MAPKAPK3: variants seen among roughly 807,000 people sequenced by gnomAD.
MAPKAPK3 encodes the protein MAPK activated protein kinase 3.
A neutral mutation model predicts 49.2 loss-of-function variants in MAPKAPK3; 35 were observed. The observed-to-expected ratio is 0.71, with a 90% CI of 0.54 to 0.94. The LOEUF (loss-of-function observed/expected upper bound fraction) is 0.94. MAPKAPK3 is among the 40% of genes least tolerant of loss of function. MAPKAPK3 has a pLI of 0.00. For synonymous variants in MAPKAPK3, 178 were observed against 188.7 expected, an observed-to-expected ratio of 0.94 and a Z score of 0.46; for missense variants, 398 against 493.1, an observed-to-expected ratio of 0.81 and a Z score of 1.83.
intron 2 of MAPKAPK3, among the ~76,000 whole-genome samples, chr3:50,623,833 G>A (rs1363273719): frequency 1.3e-5 from 2 of 152,228 alleles, no homozygotes; most frequent in African/African-American, 2.4e-5. Flanking sequence ...TTGGTCCTTG[G>A]AAAGATGCTG....
chr3:50,616,899 A>G (rs1283979271), upstream of MAPKAPK3, among the ~76,000 whole-genome samples: 1 of 151,952 alleles, frequency 6.6e-6, no homozygotes, highest in African/African-American at 2.4e-5. Context: ...CCCGCACAGT[A>G]GCGGACTGCC....
rs76026164 is a variant in MAPKAPK3 at position 50,648,144 on chromosome 3, A to G, written c.*98A>G. On this transcript the variant is annotated 3_prime_UTR_variant, in exon 11 of 11. Coordinates refer to ENST00000621469, the MANE Select transcript of MAPKAPK3 (RefSeq NM_001243925.2). ...GAGGGCCCAGGGTCATTCTTTTAACAAAAGGATTATTTTGTTGTGTTTTAA... is the reference window on the plus strand; with the variant it reads ...GAGGGCCCAGGGTCATTCTTTTAACGAAAGGATTATTTTGTTGTGTTTTAA... 1 of 481,456 alleles carries G rather than the reference A, an allele frequency of 2.1e-6. No homozygotes were observed. Among genetic ancestry groups the G allele is most frequent in the Non-Finnish European group, 3.3e-6 (1 of 304,010 alleles). The allele number at this position is 481,456 out of a possible 1,614,324, so 29.8% of individuals were successfully genotyped here. A position where few individuals can be genotyped will look rare whatever the true frequency, so the allele number is the denominator to read the frequency against.
chr3:50,621,597 CAAA>C (rs57325539), intron 2 of MAPKAPK3, among the ~76,000 whole-genome samples: 1 of 41,776 alleles, frequency 2.4e-5, no homozygotes, highest in Non-Finnish European at 4.8e-5. Flanking sequence ...GGCTGTGTCT[CAAA>C]AAAAAAAAAA....
At chr3:50,640,266 C>A in intron 2 of MAPKAPK3, 100 bp from the exon 3 acceptor site, 1 of 1,188,148 alleles carries the variant, frequency 8.4e-7, no homozygotes, top group Non-Finnish European at 1.2e-6. Context: ...AGCTGTGTGA[C>A]CTGGGGCAGG....
intron 2 of MAPKAPK3, among the ~76,000 whole-genome samples, chr3:50,630,091 C>T (rs371356054): frequency 6.6e-6 from 1 of 152,206 alleles, no homozygotes. Flanking sequence ...GTTTAGGGGT[C>T]CTCCTTTCTT....
chr3:50,618,639 G>A (rs1446037118), intron 2 of MAPKAPK3, among the ~76,000 whole-genome samples: 2 of 152,146 alleles, frequency 1.3e-5, no homozygotes, highest in Non-Finnish European at 2.9e-5. Flanking sequence ...AGCATGGCAG[G>A]GATAGTGGCT....
intron 2 of MAPKAPK3, among the ~76,000 whole-genome samples, chr3:50,623,267 A>G (rs2032652535): frequency 6.6e-6 from 1 of 152,218 alleles, no homozygotes; most frequent in South Asian, 2.1e-4. Flanking sequence ...GAATCTGAGG[A>G]GCCAGAGTGT....
chr3:50,644,796 A>G (rs1232978982), intron 6 of MAPKAPK3, among the ~76,000 whole-genome samples: 1 of 152,200 alleles, frequency 6.6e-6, no homozygotes, highest in Non-Finnish European at 1.5e-5. Flanking sequence ...AGCTCTAAAT[A>G]TATATGTGAT....
At chr3:50,622,414 C>T (rs1453072022) in intron 2 of MAPKAPK3, among the ~76,000 whole-genome samples, 2 of 152,226 alleles carry the variant, frequency 1.3e-5, no homozygotes, top group African/African-American at 4.8e-5. Flanking sequence ...CCCAGTGCCA[C>T]CTCTTCCAGG....
chr3:50,641,430 G>T (rs546037033), intron 3 of MAPKAPK3, among the ~76,000 whole-genome samples: 1 of 152,324 alleles, frequency 6.6e-6, no homozygotes, highest in South Asian at 2.1e-4. Flanking sequence ...AGCCCTCACA[G>T]TCAGGTAGGG....
chr3:50,637,641 A>G (rs1444927635), intron 2 of MAPKAPK3, among the ~76,000 whole-genome samples: 1 of 151,768 alleles, frequency 6.6e-6, no homozygotes, highest in Non-Finnish European at 1.5e-5. Flanking sequence ...CAAAAAAAAA[A>G]AAAAGAAAAG....
At chr3:50,635,695 G>A (rs958948515) in intron 2 of MAPKAPK3, among the ~76,000 whole-genome samples, 1 of 151,422 alleles carries the variant, frequency 6.6e-6, no homozygotes, top group African/African-American at 2.4e-5. Context: ...GATTACAGGC[G>A]TCAGCCACCA....
At chr3:50,629,421 A>T (rs900417100) in intron 2 of MAPKAPK3, among the ~76,000 whole-genome samples, 2 of 152,158 alleles carry the variant, frequency 1.3e-5, no homozygotes, top group African/African-American at 4.8e-5. Context: ...CACCCATACC[A>T]TCATGGCCCC....
At chr3:50,639,147 T>C (rs749845436) in intron 2 of MAPKAPK3, among the ~76,000 whole-genome samples, 1 of 152,210 alleles carries the variant, frequency 6.6e-6, no homozygotes, top group South Asian at 2.1e-4. Context: ...GCCCACTGGA[T>C]GCTTGCCTTG....
rs1364576349 is a variant in MAPKAPK3, at chr3:50,641,774, A to G, written c.424+3A>G. ...CGACCAGGCTTTCACTGAGAGAGGT[A>G]TGTGCATGTAGCTGGACCAGCAGGA... On this transcript the variant is annotated splice_donor_region_variant and intron_variant, in intron 4 of 10. Coordinates refer to ENST00000621469, the MANE Select transcript of MAPKAPK3 (RefSeq NM_001243925.2). 1.2e-6 allele frequency: 2 copies of G among 1,613,596 alleles called. No individual in the cohort carries two copies. The highest frequency in any genetic ancestry group is 1.7e-6 in the Non-Finnish European group (2 of 1,179,508).
intron 8 of MAPKAPK3, 147 bp downstream of exon 8, chr3:50,646,411 C>A: frequency 8.9e-7 from 1 of 1,125,870 alleles, no homozygotes; most frequent in Non-Finnish European, 1.3e-6. Flanking sequence ...GTCCCCTAAC[C>A]TTCTTGAGCC....
In MAPKAPK3 at chr3:50,621,976, C is replaced by T. The variant is rs112278259; in HGVS notation, c.219+4192C>T. On this transcript the variant is annotated intron_variant, in intron 2 of 10. Transcript: ENST00000621469. ...GTAGAGTGGTGGGGTGGTGGATCCACATGTCCAGGAGACCTCTGCAGAGTC... is the reference window on the plus strand; with the variant it reads ...GTAGAGTGGTGGGGTGGTGGATCCATATGTCCAGGAGACCTCTGCAGAGTC... Among the ~76,000 whole-genome samples the T allele has an allele frequency of 6.8e-3, 1,043 of 152,308 alleles. 8 individuals are homozygous for T. The highest frequency in any genetic ancestry group is 0.024 in the African/African-American group (977 of 41,572).
rs200457380 is a variant in MAPKAPK3 at position 50,617,727 on chromosome 3, G to A, written c.162G>A (p.Val54=). 1 of 1,613,732 alleles carries A rather than the reference G, an allele frequency of 6.2e-7. No homozygotes were observed. The highest frequency in any genetic ancestry group is 1.3e-5 in the African/African-American group (1 of 75,066). ...QLSKQVLGLG[V]NGKVLECFHR... ...CCAAGCAGGTGCTGGGCCTGGGTGT[G>A]AACGGCAAAGTGCTGGAGTGCTTCC... Residue 54 remains valine (V), a synonymous_variant, in exon 2 of 11, where the codon GTG becomes GTA. Coordinates refer to ENST00000621469, the MANE Select transcript of MAPKAPK3 (RefSeq NM_001243925.2).
At chr3:50,632,521 C>G (rs1343164516) in intron 2 of MAPKAPK3, among the ~76,000 whole-genome samples, 2 of 152,316 alleles carry the variant, frequency 1.3e-5, no homozygotes, top group East Asian at 3.9e-4. Flanking sequence ...TGGAGGGCCT[C>G]AAGGGGTGGT....
Sources: allele counts gnomAD v4.1 joint callset (sites outside exome capture counted in the v4.1 genomes callset), GRCh38; gene constraint gnomAD v4.1.1; transcripts MANE v1.5; gene names NCBI Gene and HGNC (gene_info 2026-07-23, HGNC 2026-07-21).